CSPG4: variants seen among roughly 807,000 people sequenced by gnomAD.
CSPG4 encodes chondroitin sulfate proteoglycan 4 (melanoma-associated).
CSPG4 carries 74 observed loss-of-function variants against 139.3 expected under a neutral mutation model. The observed-to-expected ratio is 0.53, with a 90% CI of 0.44 to 0.64. CSPG4 has a LOEUF of 0.64. Among genes scored for constraint, CSPG4 ranks in the 30% least tolerant of loss-of-function variants. The pLI is 0.00. For synonymous variants in CSPG4, 1,234 were observed against 1,394.2 expected, an observed-to-expected ratio of 0.89 and a Z score of 2.56; for missense variants, 2,565 against 3,148.3, an observed-to-expected ratio of 0.81 and a Z score of 4.43.
In CSPG4 at chr15:75,688,664, T is replaced by C. The variant is rs771264752; in HGVS notation, c.2401A>G (p.Thr801Ala). 1.2e-5 allele frequency: 19 copies of C among 1,611,976 alleles called. No homozygotes were observed. Among genetic ancestry groups the C allele is most frequent in the Admixed American group, 5.0e-5 (3 of 59,954 alleles). Residue 801 changes from threonine (T) to alanine (A), a missense_variant, in exon 3 of 10, where the codon ACC (threonine) becomes GCC (alanine). Transcript: ENST00000308508. ...GCCTCCAGGTGGGCTGTGGTGAGGG[T>C]CTCCTGCTGGGTGTTCTGAGTGTGC... ...PLHTQNTQQETLTTAHLEATL... is the reference protein window; with the variant it reads ...PLHTQNTQQEALTTAHLEATL...
Position 75,687,964 on chromosome 15 carries a change from C to T in CSPG4, c.3101G>A (p.Arg1034Gln), listed in dbSNP as rs755806843. Residue 1034 changes from arginine to glutamine, a missense_variant, in exon 3 of 10, where the codon CGG becomes CAG. Physicochemically the swap from Arg to Gln is conservative, Grantham distance 43 (BLOSUM62 1). Transcript: ENST00000308508. This position sits in a 1 kb window ranked among gnomAD's most constrained non-coding sequence, Gnocchi z 5.4. ...CACGTCGTCTGTAGTCAGCAGCCGCCGCCCACCCCGGGCCACATGGAAGAT... is the reference window on the plus strand; with the variant it reads ...CACGTCGTCTGTAGTCAGCAGCCGCTGCCCACCCCGGGCCACATGGAAGAT... ...SRIFHVARGG[R>Q]RLLTTDDVAF... The T allele has an allele frequency of 7.9e-5, 128 of 1,612,664 alleles. No homozygotes were observed. The highest frequency in any genetic ancestry group is 1.0e-4 in the Non-Finnish European group (120 of 1,179,986).
rs534216730 is a variant in CSPG4, at chr15:75,694,442, G to C, written c.89-1209C>G. Among the ~76,000 whole-genome samples the C allele has an allele frequency of 4.0e-4, 61 of 152,358 alleles. 1 individual carries two copies. In the East Asian group the frequency reaches 0.012, roughly 29 times the overall value. Reference sequence around the variant, plus strand: ...TAGAGAAACACGGGTTAAAAACGGTGATTCATTCCTGTTGGGCTTCCCTCA... The same window carrying C: ...TAGAGAAACACGGGTTAAAAACGGTCATTCATTCCTGTTGGGCTTCCCTCA... On this transcript the variant is annotated intron_variant, in intron 1 of 9. Transcript: ENST00000308508.
chr15:75,685,950 C>T lies in CSPG4; in HGVS notation c.3790-249G>A, dbSNP rs1415229212. On this transcript the variant is annotated intron_variant, in intron 3 of 9. Transcript: ENST00000308508. The stretch of plus-strand genomic sequence containing the variant: ...TCACCCAGGCTGGAGTGCAGTGGTA[C>T]AATCACAGTTCCTTGAAGCCTCAAC... Among the ~76,000 whole-genome samples, 8 of 152,272 alleles carry T rather than the reference C, an allele frequency of 5.3e-5. No homozygotes were observed. The South Asian group carries it at 6.2e-4, about 12-fold the overall frequency.
chr15:75,697,628 C>T (rs1894245658), intron 1 of CSPG4, among the ~76,000 whole-genome samples: 2 of 152,206 alleles, frequency 1.3e-5, no homozygotes, highest in Non-Finnish European at 2.9e-5. Context: ...CTGGGGGCAG[C>T]CCCACAGCCA....
intron 5 of CSPG4, 90 bp from the exon 6 acceptor site, chr15:75,683,131 T>C (rs1418175434): frequency 7.6e-7 from 1 of 1,321,544 alleles, no homozygotes; most frequent in East Asian, 2.5e-5. Context: ...GCTCCAGTCC[T>C]GCTGCGGCTC....
At chr15:75,712,328 C>T (rs1205630767) in intron 1 of CSPG4, among the ~76,000 whole-genome samples, 3 of 152,138 alleles carry the variant, frequency 2.0e-5, no homozygotes, top group Non-Finnish European at 4.4e-5. Flanking sequence ...CCCAAACTTG[C>T]CTGGCAAACA....
chr15:75,688,698 C>T lies in CSPG4; in HGVS notation c.2367G>A (p.Leu789=), dbSNP rs1894104196. ...GGGTGTTCTGAGTGTGCAGTGGCTC[C>T]AGCCGCAGCATCCACACAGTGGCTC... ...IQRATVWMLR[L]EPLHTQNTQQ... Residue 789 remains leucine, a synonymous_variant, in exon 3 of 10, where the codon CTG becomes CTA. Coordinates refer to ENST00000308508, the MANE Select transcript of CSPG4 (RefSeq NM_001897.5). 6.2e-7 allele frequency: 1 copy of T among 1,610,696 alleles called. No homozygotes were observed. Among genetic ancestry groups the T allele is most frequent in the Non-Finnish European group, 8.5e-7 (1 of 1,178,476 alleles).
At chr15:75,701,670 T>C (rs1894302580) in intron 1 of CSPG4, among the ~76,000 whole-genome samples, 2 of 152,166 alleles carry the variant, frequency 1.3e-5, no homozygotes, top group African/African-American at 2.4e-5. Flanking sequence ...CCTCTGCTAA[T>C]GCACCACGTC....
rs546249363 is a variant in CSPG4, at chr15:75,701,842, G to GCC, written c.89-8611_89-8610dup. Among the ~76,000 whole-genome samples, 39 of 152,286 alleles carry GCC rather than the reference G, an allele frequency of 2.6e-4. 2 individuals carry two copies. The South Asian group carries it at 7.9e-3, about 31-fold the overall frequency. On this transcript the variant is annotated intron_variant, in intron 1 of 9. Coordinates refer to ENST00000308508, the MANE Select transcript of CSPG4 (RefSeq NM_001897.5). ...CAGCTGGCTCGCCAGCCCCGTGAAG[G>GCC]CCCGACTGTCCACCTGTTGCTGAGT... is the stretch of plus-strand genomic sequence containing the variant.
In CSPG4 at chr15:75,675,058, G is replaced by A. The variant is rs1893869723; in HGVS notation, c.*492C>T. On this transcript the variant is annotated 3_prime_UTR_variant, in exon 10 of 10. Transcript: ENST00000308508. ...GATACCATCTCCCTAAAAAACCAGG[G>A]GAGGAAGTTTTTTTCTCAACTCTGG... is the stretch of plus-strand genomic sequence containing the variant. The A allele has an allele frequency of 2.6e-6, 1 of 379,170 alleles. No individual in the cohort carries two copies. Among genetic ancestry groups the A allele is most frequent in the Admixed American group, 4.5e-5 (1 of 22,078 alleles). 23.5% of individuals were successfully genotyped at this position (379,170 alleles called of 1,614,324 possible).
chr15:75,679,223 TCGGC>T (rs1356643379), intron 8 of CSPG4: 1 of 163,490 alleles, frequency 6.1e-6, no homozygotes, highest in African/African-American at 2.4e-5. Flanking sequence ...GCACTCCCGA[TCGGC>T]CCCCACCTCC....
chr15:75,686,993 A>C (rs1361664230), intron 3 of CSPG4, among the ~76,000 whole-genome samples: 2 of 151,912 alleles, frequency 1.3e-5, no homozygotes, highest in Non-Finnish European at 2.9e-5. Context: ...GAGATTCTGT[A>C]GGGCTGGGTG....
Position 75,675,881 on chromosome 15 carries a change from C to A in CSPG4, c.6638G>T (p.Gly2213Val). The change falls in exon 10 of 10, where the codon GGC (glycine) becomes GTC (valine). Residue 2213 changes from glycine (G) to valine (V), a missense_variant. Gly to Val is a moderately radical substitution (Grantham distance 109). Around this residue, in one of 5 missense-constraint regions of CSPG4, gnomAD observed 2,316 missense variants for 2,818.2 expected, o/e 0.82. Coordinates refer to ENST00000308508, the MANE Select transcript of CSPG4 (RefSeq NM_001897.5). ...SSPEPAVAKG[G>V]FLSFLEANMF... ...GTTGGCCTCAAGGAAGCTCAGGAAG[C>A]CTCCCTTGGCCACAGCGGGCTCAGG... 3 of 1,606,260 alleles carry A rather than the reference C, an allele frequency of 1.9e-6. No individual in the cohort carries two copies. Among genetic ancestry groups the A allele is most frequent in the Non-Finnish European group, 2.5e-6 (3 of 1,179,916 alleles).
At chr15:75,704,759 C>G (rs929350490) in intron 1 of CSPG4, among the ~76,000 whole-genome samples, 5 of 152,216 alleles carry the variant, frequency 3.3e-5, no homozygotes, top group African/African-American at 1.2e-4. Flanking sequence ...ACCCATACCA[C>G]TGAGGGGTCC....
chr15:75,693,190 C>G lies in CSPG4; in HGVS notation c.132G>C (p.Thr44=). ...GENHLEVPVA[T]ALTDIDLQLQ... ...GCTGCAGGTCTATGTCGGTCAGAGC[C>G]GTGGCCACAGGCACCTCCAGGTGGT... is the stretch of plus-strand genomic sequence containing the variant. The change falls in exon 2 of 10, where the codon ACG becomes ACC. Residue 44 remains threonine (T), a synonymous_variant. Transcript: ENST00000308508. The G allele has an allele frequency of 1.2e-6, 2 of 1,610,606 alleles. No homozygotes were observed. Among genetic ancestry groups the G allele is most frequent in the Non-Finnish European group, 1.7e-6 (2 of 1,179,326 alleles).
intron 1 of CSPG4, among the ~76,000 whole-genome samples, chr15:75,704,755 A>C (rs565491356): frequency 3.3e-5 from 5 of 152,144 alleles, no homozygotes; most frequent in South Asian, 2.1e-4. Flanking sequence ...ATACACCCAT[A>C]CCACTGAGGG....
intron 1 of CSPG4, among the ~76,000 whole-genome samples, chr15:75,702,341 C>T (rs1894315371): frequency 6.6e-6 from 1 of 152,396 alleles, no homozygotes; most frequent in South Asian, 2.1e-4. Context: ...CTCCTGTCCA[C>T]CTGTGAAATG....
Position 75,685,354 on chromosome 15 carries a change from C to A in CSPG4, c.4137G>T (p.Leu1379=). The change falls in exon 4 of 10, where the codon CTG becomes CTT. Residue 1379 remains leucine, a synonymous_variant. Transcript: ENST00000308508. The stretch of plus-strand genomic sequence containing the variant: ...GGAAGTAGGGCCCGGAGACACGGAG[C>A]AGTGGAGGGGCCAGGGTGAGGCTGC... ...EGGSLTLAPP[L]LRVSGPYFPT... is the part of the protein sequence containing the mutation. The A allele has an allele frequency of 6.2e-7, 1 of 1,610,054 alleles. No individual in the cohort carries two copies. Among genetic ancestry groups the A allele is most frequent in the Non-Finnish European group, 8.5e-7 (1 of 1,178,774 alleles).
upstream of CSPG4, chr15:75,712,859 C>A (rs1036820302): frequency 3.1e-6 from 3 of 952,480 alleles, no homozygotes; most frequent in Admixed American, 3.3e-5. Flanking sequence ...GGGCCGGCTC[C>A]GGGTGTCCGC....
Sources: gnomAD v4.1 joint callset for allele counts (sites outside exome capture counted in the v4.1 genomes callset) on GRCh38, gnomAD v4.1.1 for gene constraint, gnomAD v4.1.1 regional missense constraint, Gnocchi (gnomAD v3.1) non-coding constraint, MANE v1.5 for transcripts, NCBI Gene and HGNC (gene_info 2026-07-23, HGNC 2026-07-21) for gene names.